The following IQSEC3 variants were observed in gnomAD, a reference collection of about 807,000 sequenced individuals.
The protein encoded by IQSEC3 is IQ motif and Sec7 domain ArfGEF 3, also known as IQ motif and SEC7 domain-containing protein 3.
IQSEC3 carries 50 observed loss-of-function variants against 105.4 expected under a neutral mutation model. The observed-to-expected ratio is 0.47, with a 90% confidence interval of 0.38 to 0.60. The LOEUF is 0.60. Among genes scored for constraint, IQSEC3 ranks in the 20% least tolerant of loss-of-function variants. The pLI is 0.00. For synonymous variants in IQSEC3, 708 were observed against 746.0 expected, an observed-to-expected ratio of 0.95 and a Z score of 0.83; for missense variants, 1,415 against 1,630.0, an observed-to-expected ratio of 0.87 and a Z score of 2.27.
intron 7 of IQSEC3, 23 bp from the exon 8 acceptor site, chr12:161,903 C>G (rs1555096352): frequency 4.5e-6 from 7 of 1,568,820 alleles, no homozygotes; most frequent in Non-Finnish European, 6.0e-6. Context: ...CCACCACCAC[C>G]CCTGCCCACT....
At chr12:145,869 A>AT (rs1452631735) in intron 5 of IQSEC3, among the ~76,000 whole-genome samples, 6 of 152,036 alleles carry the variant, frequency 3.9e-5, no homozygotes, top group African/African-American at 1.2e-4. Flanking sequence ...GGCCTGGATG[A>AT]TTTTTTCTGG....
intron 6 of IQSEC3, among the ~76,000 whole-genome samples, 175 bp from the exon 7 acceptor site, chr12:157,353 T>C (rs1282867275): frequency 6.6e-6 from 1 of 151,732 alleles, no homozygotes; most frequent in Non-Finnish European, 1.5e-5. Context: ...AGGCTGGAAA[T>C]GTGGGGCATT....
intron 1 of IQSEC3, among the ~76,000 whole-genome samples, chr12:92,665 A>G (rs1464890760): frequency 6.6e-6 from 1 of 152,100 alleles, no homozygotes; most frequent in Non-Finnish European, 1.5e-5. Flanking sequence ...GCATCTCAGG[A>G]TTTGCTCGAC....
intron 3 of IQSEC3, among the ~76,000 whole-genome samples, chr12:129,045 C>T (rs1171604001): frequency 3.9e-5 from 6 of 152,222 alleles, no homozygotes; most frequent in African/African-American, 9.6e-5. Flanking sequence ...TGTCCCCGAC[C>T]CCATCTGCTG....
At chr12:90,328 A>T (rs11836036) in intron 1 of IQSEC3, among the ~76,000 whole-genome samples, 76,574 of 152,064 alleles carry the variant, frequency 0.5, 20,011 homozygotes, top group Non-Finnish European at 0.54. Flanking sequence ...TACCTTTTTC[A>T]TTTCAATGAA....
intron 11 of IQSEC3, chr12:167,538 A>G (rs1938724243): frequency 6.6e-6 from 1 of 151,454 alleles, no homozygotes; most frequent in Admixed American, 6.6e-5. Context: ...AGGGAAGAGG[A>G]AGGGTAGGCC....
intron 1 of IQSEC3, among the ~76,000 whole-genome samples, chr12:91,754 C>G (rs1208307277): frequency 1.3e-5 from 2 of 152,068 alleles, no homozygotes; most frequent in African/African-American, 4.8e-5. Flanking sequence ...GCACTCCAGG[C>G]TGGGCGATGG....
chr12:110,831 A>G (rs1407425529), intron 2 of IQSEC3, among the ~76,000 whole-genome samples: 1 of 152,032 alleles, frequency 6.6e-6, no homozygotes, highest in African/African-American at 2.4e-5. Flanking sequence ...AACCCAACAA[A>G]CCCAACTCCT....
intron 3 of IQSEC3, among the ~76,000 whole-genome samples, chr12:134,745 A>G (rs1865704341): frequency 6.7e-6 from 1 of 150,294 alleles, no homozygotes; most frequent in South Asian, 2.1e-4. Flanking sequence ...AAAAAATACA[A>G]AAGTTAGCCA....
At chr12:76,303 G>A (rs1237747759) in intron 1 of IQSEC3, among the ~76,000 whole-genome samples, 5 of 152,274 alleles carry the variant, frequency 3.3e-5, no homozygotes, top group African/African-American at 7.2e-5. Context: ...AGGATCAGCT[G>A]TGTTCAGGGA....
intron 9 of IQSEC3, 34 bp from the exon 10 acceptor site, chr12:165,400 C>G: frequency 6.5e-7 from 1 of 1,532,488 alleles, no homozygotes; most frequent in Non-Finnish European, 9.0e-7. Context: ...AGTGTCTGTT[C>G]ATCAGGGCAT....
At position 90,991 on chromosome 12, in the gene IQSEC3, G is replaced by T. The variant is rs201121230; in HGVS notation, c.555-8155G>T. Reference sequence around the variant, plus strand: ...ACCAAGATGGGTGGGGATGGGGCAGGTGACCAGAAGCAATTTTATGATTTC... The same window carrying T: ...ACCAAGATGGGTGGGGATGGGGCAGTTGACCAGAAGCAATTTTATGATTTC... On this transcript the variant is annotated intron_variant, in intron 1 of 13. Coordinates refer to ENST00000538872, the MANE Select transcript of IQSEC3 (RefSeq NM_001170738.2). 7.2e-5 allele frequency among the ~76,000 whole-genome samples: 11 copies of T among 152,252 alleles called. No homozygotes were observed. The East Asian group carries it at 1.9e-3, about 27-fold the overall frequency.
At chr12:68,429 T>C (rs1348244818) in intron 1 of IQSEC3, among the ~76,000 whole-genome samples, 1 of 152,166 alleles carries the variant, frequency 6.6e-6, no homozygotes, top group Non-Finnish European at 1.5e-5. Context: ...AGAGAAATGT[T>C]AACCTCTCAG....
At chr12:74,563 G>A (rs148960255) in intron 1 of IQSEC3, among the ~76,000 whole-genome samples, 661 of 152,186 alleles carry the variant, frequency 4.3e-3, no homozygotes, top group East Asian at 0.034. Context: ...ACTGGTGTGC[G>A]TGCTGAGCGG....
intron 5 of IQSEC3, 24 bp from the exon 6 acceptor site, chr12:157,001 C>A: frequency 6.4e-7 from 1 of 1,564,836 alleles, no homozygotes; most frequent in Non-Finnish European, 8.7e-7. Context: ...CACCTGACCT[C>A]ACACCCTCCC....
chr12:137,624 T>C (rs189433773), intron 3 of IQSEC3: 6 of 132,678 alleles, frequency 4.5e-5, no homozygotes, highest in Non-Finnish European at 8.0e-5. Flanking sequence ...ATCTCTGACA[T>C]GAACTTAAAA....
chr12:97,144 T>C (rs1864263965), intron 1 of IQSEC3, among the ~76,000 whole-genome samples: 1 of 152,252 alleles, frequency 6.6e-6, no homozygotes. Flanking sequence ...ATTTGTTGGC[T>C]CTTTAGGGTT....
At chr12:134,578 T>C (rs1278486184) in intron 3 of IQSEC3, among the ~76,000 whole-genome samples, 1 of 152,254 alleles carries the variant, frequency 6.6e-6, no homozygotes, top group Admixed American at 6.5e-5. Flanking sequence ...CCTAGAAGTA[T>C]AAATAGGCCA....
At chr12:89,533 C>A (rs1386237677) in intron 1 of IQSEC3, among the ~76,000 whole-genome samples, 1 of 152,170 alleles carries the variant, frequency 6.6e-6, no homozygotes, top group East Asian at 1.9e-4. Context: ...AAACATTACA[C>A]TTGTGTAACA....
Sources: allele counts gnomAD v4.1 joint callset (sites outside exome capture counted in the v4.1 genomes callset), GRCh38; gene constraint gnomAD v4.1.1; transcripts MANE v1.5; gene names NCBI Gene and HGNC (gene_info 2026-07-23, HGNC 2026-07-21).